The following TEAD1 variants were observed in gnomAD, a reference collection of about 807,000 sequenced individuals.
The protein encoded by TEAD1 is transcriptional enhancer factor TEF-1.
Under a neutral mutation model 54.9 loss-of-function variants are expected in TEAD1, and 9 were observed. The observed-to-expected ratio is 0.16, with a 90% confidence interval of 0.10 to 0.29. The LOEUF is 0.29. Among genes scored for constraint, TEAD1 ranks in the 10% least tolerant of loss-of-function variants. The probability of loss-of-function intolerance (pLI) is 1.00; values close to 1 mark genes in which losing one functional copy is unlikely to be tolerated. For missense variants in TEAD1, 387 were observed against 535.9 expected (o/e 0.72, Z 2.74); for synonymous variants, 200 against 187.8 (o/e 1.07, Z -0.53).
At chr11:12,827,199 G>A (rs556459932) in intron 3 of TEAD1, among the ~76,000 whole-genome samples, 1 of 152,314 alleles carries the variant, frequency 6.6e-6, no homozygotes, top group East Asian at 1.9e-4. Flanking sequence ...CTGAGTTTTT[G>A]TTAGCCCTGA....
intron 3 of TEAD1, among the ~76,000 whole-genome samples, chr11:12,835,340 G>A (rs1412267865): frequency 6.6e-6 from 1 of 151,990 alleles, no homozygotes; most frequent in Non-Finnish European, 1.5e-5. Flanking sequence ...TTGGCTCTGA[G>A]GTTGGTTGGT....
intron 3 of TEAD1, among the ~76,000 whole-genome samples, chr11:12,821,621 T>G (rs1487597776): frequency 6.6e-6 from 1 of 152,130 alleles, no homozygotes; most frequent in Non-Finnish European, 1.5e-5. Context: ...GACTTTTATT[T>G]TTTGACTCTA....
chr11:12,787,795 G>A (rs950453615), intron 3 of TEAD1, among the ~76,000 whole-genome samples: 4 of 151,948 alleles, frequency 2.6e-5, no homozygotes, highest in African/African-American at 9.7e-5. Context: ...TATGTTTTTT[G>A]GAGAAAAATA....
intron 2 of TEAD1, among the ~76,000 whole-genome samples, chr11:12,711,682 C>T (rs1943941958): frequency 6.6e-6 from 1 of 152,184 alleles, no homozygotes; most frequent in South Asian, 2.1e-4. Flanking sequence ...GCCCTTTACC[C>T]TCTGGGGGTT....
chr11:12,724,779 C>T (rs1427303554), intron 2 of TEAD1, among the ~76,000 whole-genome samples: 1 of 152,174 alleles, frequency 6.6e-6, no homozygotes, highest in Non-Finnish European at 1.5e-5. Context: ...CTGCCCTCTC[C>T]TCCTCGCCCC....
intron 5 of TEAD1, chr11:12,865,477 T>C (rs540544947): frequency 6.5e-6 from 1 of 154,560 alleles, no homozygotes; most frequent in African/African-American, 2.4e-5. Flanking sequence ...CTTACTACTG[T>C]TTTTTAAGTG....
chr11:12,853,326 AG>A (rs1947311592), intron 3 of TEAD1, among the ~76,000 whole-genome samples: 1 of 152,098 alleles, frequency 6.6e-6, no homozygotes, highest in Admixed American at 6.5e-5. Flanking sequence ...AAAAATAGTT[AG>A]GGGCCAGATG....
At chr11:12,900,063 G>A (rs1948396742) in intron 9 of TEAD1, among the ~76,000 whole-genome samples, 1 of 152,158 alleles carries the variant, frequency 6.6e-6, no homozygotes, top group Non-Finnish European at 1.5e-5. Context: ...GTTTCTTTAT[G>A]GAAGTGCCTT....
intron 2 of TEAD1, among the ~76,000 whole-genome samples, chr11:12,718,238 A>G (rs555483164): frequency 2.0e-5 from 3 of 152,308 alleles, no homozygotes; most frequent in East Asian, 3.9e-4. Flanking sequence ...TGGCCCAGCC[A>G]CAACCTAAGG....
intron 5 of TEAD1, among the ~76,000 whole-genome samples, chr11:12,874,522 T>G (rs1436172197): frequency 6.6e-6 from 1 of 152,218 alleles, no homozygotes; most frequent in Non-Finnish European, 1.5e-5. Flanking sequence ...TCATGAAATA[T>G]GAAAGCCTGT....
chr11:12,910,285 A>G (rs1948594463), intron 10 of TEAD1, among the ~76,000 whole-genome samples: 1 of 152,240 alleles, frequency 6.6e-6, no homozygotes, highest in South Asian at 2.1e-4. Context: ...TTACAGATTT[A>G]ACCAAATAAG....
intron 10 of TEAD1, among the ~76,000 whole-genome samples, chr11:12,915,261 C>T (rs537591935): frequency 2.2e-4 from 34 of 152,176 alleles, no homozygotes; most frequent in African/African-American, 3.1e-4. Flanking sequence ...TGTTGTCATC[C>T]GCCAAATGCT....
intron 10 of TEAD1, among the ~76,000 whole-genome samples, chr11:12,915,797 T>C (rs527410666): frequency 6.6e-6 from 1 of 152,278 alleles, no homozygotes; most frequent in Non-Finnish European, 1.5e-5. Flanking sequence ...TGAGCCAACA[T>C]TGTGCCACTG....
intron 3 of TEAD1, among the ~76,000 whole-genome samples, chr11:12,821,618 A>T (rs1407222080): frequency 1.3e-5 from 2 of 152,014 alleles, no homozygotes; most frequent in African/African-American, 4.8e-5. Flanking sequence ...CATGACTTTT[A>T]TTTTTTGACT....
At chr11:12,691,297 T>G (rs774972644) in intron 2 of TEAD1, among the ~76,000 whole-genome samples, 5 of 152,164 alleles carry the variant, frequency 3.3e-5, no homozygotes, top group Non-Finnish European at 7.3e-5. Context: ...CTATTAATAG[T>G]CTTTTATAGT....
chr11:12,687,792 C>T lies in TEAD1; in HGVS notation c.-55+12231C>T, dbSNP rs916533099. ...CTTATCCTGCCCCATTCACCTCTCC[C>T]CTGTGGTTTCAGTCCTCCAGGACTG... On this transcript the variant is annotated intron_variant, in intron 2 of 12. Transcript: ENST00000527636. Among the ~76,000 whole-genome samples, 8 of 152,246 alleles carry T rather than the reference C, an allele frequency of 5.3e-5. No individual in the cohort carries two copies. The South Asian group carries it at 1.0e-3, about 20-fold the overall frequency.
At chr11:12,806,552 A>C (rs1284217784) in intron 3 of TEAD1, among the ~76,000 whole-genome samples, 1 of 152,206 alleles carries the variant, frequency 6.6e-6, no homozygotes, top group Non-Finnish European at 1.5e-5. Flanking sequence ...GGCCAGAAGA[A>C]GACCAGAGCA....
chr11:12,699,490 G>C (rs1018251516), intron 2 of TEAD1, among the ~76,000 whole-genome samples: 1 of 152,090 alleles, frequency 6.6e-6, no homozygotes, highest in African/African-American at 2.4e-5. Flanking sequence ...TAGTACTTCA[G>C]AGCATTTTTC....
intron 12 of TEAD1, among the ~76,000 whole-genome samples, chr11:12,931,765 A>G (rs1404041357): frequency 1.3e-5 from 2 of 151,192 alleles, no homozygotes; most frequent in Non-Finnish European, 2.9e-5. Flanking sequence ...GCCAGCTTCT[A>G]TACACCATTG....
Sources: allele counts gnomAD v4.1 joint callset (sites outside exome capture counted in the v4.1 genomes callset), GRCh38; gene constraint gnomAD v4.1.1; transcripts MANE v1.5; gene names NCBI Gene and HGNC (gene_info 2026-07-23, HGNC 2026-07-21).